Variants in GRIN2B observed in about 807,000 individuals in gnomAD.
GRIN2B encodes glutamate receptor ionotropic, NMDA 2B.
Under a neutral mutation model 114.5 loss-of-function variants are expected in GRIN2B, and 5 were observed. The ratio of observed to expected loss-of-function variants is 0.04; its 90% confidence interval spans 0.02 to 0.09. The LOEUF (loss-of-function observed/expected upper bound fraction) is 0.09, where lower values mean the gene tolerates loss of function less well. Ranked by LOEUF, GRIN2B falls within the 10% of genes least tolerant of loss-of-function variation. The pLI is 1.00. For synonymous variants in GRIN2B, 787 were observed against 745.1 expected (o/e 1.06, Z -0.92); for missense variants, 1,108 against 1,943.5 (o/e 0.57, Z 8.08).
chr12:13,626,818 C>CCCCCCCCCCCCCT (rs1649734494), intron 5 of GRIN2B, among the ~76,000 whole-genome samples: 2 of 62,460 alleles, frequency 3.2e-5, no homozygotes, highest in African/African-American at 1.3e-4. Context: ...CCCCTCCCCC[C>CCCCCCCCCCCCCT]CACCCTCCCC....
chr12:13,750,598 A>T (rs1298575493), intron 4 of GRIN2B, among the ~76,000 whole-genome samples: 1 of 152,360 alleles, frequency 6.6e-6, no homozygotes, highest in Non-Finnish European at 1.5e-5. Context: ...TTGGGAAAAT[A>T]ATCTGAATCA....
intron 3 of GRIN2B, among the ~76,000 whole-genome samples, chr12:13,854,212 C>T (rs1037465650): frequency 6.6e-6 from 1 of 152,110 alleles, no homozygotes; most frequent in Non-Finnish European, 1.5e-5. Flanking sequence ...CATGCACATG[C>T]ACATGAAACA....
At chr12:13,872,493 T>C (rs1386939021) in intron 2 of GRIN2B, among the ~76,000 whole-genome samples, 1 of 151,468 alleles carries the variant, frequency 6.6e-6, no homozygotes, top group East Asian at 1.9e-4. Flanking sequence ...AAACACAGTA[T>C]ATTTTTTAAA....
chr12:13,718,562 G>A (rs146388541), intron 4 of GRIN2B, among the ~76,000 whole-genome samples: 9 of 152,080 alleles, frequency 5.9e-5, no homozygotes, highest in Admixed American at 1.3e-4. Flanking sequence ...TTTTTATGGC[G>A]TTGGAAAGCT....
intron 10 of GRIN2B, among the ~76,000 whole-genome samples, chr12:13,580,522 C>A (rs964721287): frequency 1.3e-5 from 2 of 152,196 alleles, no homozygotes; most frequent in African/African-American, 2.4e-5. Flanking sequence ...TGCCCAAATG[C>A]CACTCAGCCC....
intron 3 of GRIN2B, among the ~76,000 whole-genome samples, chr12:13,852,903 C>T (rs1297108013): frequency 6.6e-6 from 1 of 152,152 alleles, no homozygotes; most frequent in Non-Finnish European, 1.5e-5. Flanking sequence ...GCCAATACCT[C>T]AGGCCCTATA....
At chr12:13,624,742 T>G (rs1949551162) in intron 5 of GRIN2B, among the ~76,000 whole-genome samples, 1 of 152,186 alleles carries the variant, frequency 6.6e-6, no homozygotes, top group African/African-American at 2.4e-5. Context: ...CCAGGGACAC[T>G]GAGACATCCA....
At chr12:13,852,414 C>T (rs939625026) in intron 3 of GRIN2B, among the ~76,000 whole-genome samples, 6 of 152,204 alleles carry the variant, frequency 3.9e-5, no homozygotes, top group African/African-American at 1.4e-4. Context: ...ATGTATCTAA[C>T]TTCCTCCATT....
intron 4 of GRIN2B, among the ~76,000 whole-genome samples, chr12:13,732,581 A>G (rs966941066): frequency 1.3e-5 from 2 of 152,194 alleles, no homozygotes; most frequent in Non-Finnish European, 2.9e-5. Context: ...TACTATACCA[A>G]TGTGAGACAT....
chr12:13,981,068 G>C (rs1037347971), intron 1 of GRIN2B, among the ~76,000 whole-genome samples: 4 of 152,052 alleles, frequency 2.6e-5, no homozygotes, highest in African/African-American at 9.7e-5. Context: ...TCCGGCCCGG[G>C]GCGCCGCTGC....
chr12:13,693,812 C>T (rs971177713), intron 4 of GRIN2B, among the ~76,000 whole-genome samples: 1 of 152,114 alleles, frequency 6.6e-6, no homozygotes, highest in East Asian at 1.9e-4. Flanking sequence ...CTTTTCCTTG[C>T]CTCTGGAACA....
At chr12:13,567,313 G>A (rs200541740) in intron 12 of GRIN2B, 50 bp from the exon 13 acceptor site, 8 of 1,360,292 alleles carry the variant, frequency 5.9e-6, no homozygotes, top group Non-Finnish European at 8.4e-6. Flanking sequence ...AGACAGGAAA[G>A]GAGCAGAGAA....
intron 4 of GRIN2B, among the ~76,000 whole-genome samples, chr12:13,738,190 G>A (rs1863218600): frequency 6.6e-6 from 1 of 152,174 alleles, no homozygotes; most frequent in Non-Finnish European, 1.5e-5. Context: ...TTTATCTGCA[G>A]TACTTCAGAA....
At chr12:13,901,057 CCAAA>C in intron 2 of GRIN2B, among the ~76,000 whole-genome samples, 1 of 152,198 alleles carries the variant, frequency 6.6e-6, no homozygotes, top group Non-Finnish European at 1.5e-5. Context: ...ATAGATAACG[CCAAA>C]CAATTTTTTC....
chr12:13,709,731 G>T (rs1160010506), intron 4 of GRIN2B, among the ~76,000 whole-genome samples: 2 of 151,970 alleles, frequency 1.3e-5, no homozygotes, highest in African/African-American at 2.4e-5. Flanking sequence ...AGTCCCGGCA[G>T]GTATTATTTC....
chr12:13,628,600 T>C (rs574658159), intron 5 of GRIN2B, among the ~76,000 whole-genome samples: 17 of 152,248 alleles, frequency 1.1e-4, no homozygotes, highest in South Asian at 4.2e-4. Context: ...ACAAGCAAAA[T>C]TGGTTCTCAA....
intron 3 of GRIN2B, among the ~76,000 whole-genome samples, chr12:13,814,235 C>T (rs763514524): frequency 1.4e-4 from 22 of 152,264 alleles, no homozygotes; most frequent in South Asian, 2.1e-4. Context: ...GATTGCTTTC[C>T]GTGTTAGAGT....
chr12:13,866,892 AT>A (rs1459286514), intron 2 of GRIN2B, among the ~76,000 whole-genome samples: 1 of 152,226 alleles, frequency 6.6e-6, no homozygotes, highest in African/African-American at 2.4e-5. Flanking sequence ...TAAGAAAAAC[AT>A]TATTATCACC....
intron 9 of GRIN2B, among the ~76,000 whole-genome samples, chr12:13,609,773 A>AG (rs1949340147): frequency 2.2e-5 from 2 of 91,068 alleles, no homozygotes; most frequent in African/African-American, 8.6e-5. Flanking sequence ...ACTCTGTCTC[A>AG]AAAAAAAAAA....
Sources: allele counts gnomAD v4.1 joint callset (sites outside exome capture counted in the v4.1 genomes callset), GRCh38; gene constraint gnomAD v4.1.1; transcripts MANE v1.5; gene names NCBI Gene and HGNC (gene_info 2026-07-23, HGNC 2026-07-21).